The following CXCR5 variants were observed in gnomAD, a reference collection of about 807,000 sequenced individuals.
The protein encoded by CXCR5 is C-X-C motif chemokine receptor 5.
Under a neutral mutation model 5.6 loss-of-function variants are expected in CXCR5, and 3 were observed. The observed-to-expected ratio is 0.54, with a 90% confidence interval of 0.24 to 1.39. The LOEUF is 1.39. Among genes scored for constraint, CXCR5 ranks in the 40% most tolerant of loss-of-function variants. The pLI is 0.16. For synonymous variants in CXCR5, 218 were observed against 219.9 expected (o/e 0.99, Z 0.08); for missense variants, 333 against 494.6 (o/e 0.67, Z 3.10).
In CXCR5 at chr11:118,893,188, TGCCCGACTGTTCTGCTCAGAACTGGAA is replaced by T. The variant is rs1939839601; in HGVS notation, c.52-407_52-381del. Among the ~76,000 whole-genome samples, 1 of 151,966 alleles carries T rather than the reference TGCCCGACTGTTCTGCTCAGAACTGGAA, an allele frequency of 6.6e-6. No homozygotes were observed. Among genetic ancestry groups the T allele is most frequent in the African/African-American group, 2.4e-5 (1 of 41,380 alleles). ...TCCCCAGCACAATGCTAAGTTGCAG[TGCCCGACTGTTCTGCTCAGAACTGGAA>T]CAGATGGGTCCTTGTACCAAGCAGG... On this transcript the variant is annotated intron_variant, in intron 1 of 1. Transcript: ENST00000292174. This position sits in a 1 kb window ranked among gnomAD's most constrained non-coding sequence, Gnocchi z 5.7.
intron 1 of CXCR5, among the ~76,000 whole-genome samples, chr11:118,892,077 T>A (rs1939819319): frequency 6.6e-6 from 1 of 151,998 alleles, no homozygotes; most frequent in African/African-American, 2.4e-5. Context: ...ATGGGACCCA[T>A]GGAGAGATGG....
chr11:118,897,516 T>C lies in CXCR5; in HGVS notation c.*2853T>C, dbSNP rs1239441025. On this transcript the variant is annotated 3_prime_UTR_variant, in exon 2 of 2. Coordinates refer to ENST00000292174, the MANE Select transcript of CXCR5 (RefSeq NM_001716.5). ...CTGAATCACTCAGCAGCAGACAGGC[T>C]GCCGCCCTGGGGGTCTCAGCCCTGC... The C allele has an allele frequency of 6.0e-6, 2 of 335,698 alleles. No homozygotes were observed. Among genetic ancestry groups the C allele is most frequent in the Non-Finnish European group, 1.2e-5 (2 of 172,062 alleles). The allele number at this position is 335,698 out of a possible 1,614,324, so 20.8% of individuals were successfully genotyped here.
intron 1 of CXCR5, among the ~76,000 whole-genome samples, chr11:118,888,015 C>T (rs1939744388): frequency 6.6e-6 from 1 of 152,132 alleles, no homozygotes; most frequent in Non-Finnish European, 1.5e-5. Context: ...TCACTGGCGG[C>T]AGAATGGACT....
intron 1 of CXCR5, chr11:118,886,579 G>A (rs1214595900): frequency 2.8e-6 from 1 of 358,658 alleles, no homozygotes; most frequent in Non-Finnish European, 5.4e-6. Flanking sequence ...CCAGGTCCTG[G>A]GGTGGGTATG....
chr11:118,896,974 TG>T lies in CXCR5; in HGVS notation c.*2314del. ...ACCAAAGGCGGATAGGGAGCTCTCCTGGGTAGGAGCAGGGAGCCAAGGGGGA... is the reference window on the plus strand; with the variant it reads ...ACCAAAGGCGGATAGGGAGCTCTCCTGGTAGGAGCAGGGAGCCAAGGGGGA... On this transcript the variant is annotated 3_prime_UTR_variant, in exon 2 of 2. Transcript: ENST00000292174. 6.5e-6 allele frequency: 1 copy of T among 153,024 alleles called. No homozygotes were observed. The highest frequency in any genetic ancestry group is 1.5e-5 in the Non-Finnish European group (1 of 68,278). 9.5% of individuals were successfully genotyped at this position (153,024 alleles called of 1,614,324 possible).
Position 118,894,950 on chromosome 11 carries a change from C to T in CXCR5, c.*287C>T, listed in dbSNP as rs1191961583. The stretch of plus-strand genomic sequence containing the variant: ...ACCCCCCTGGGCTGAGAGAACCTCA[C>T]GCACCTCCCATCCTAATCATCCAAT... On this transcript the variant is annotated 3_prime_UTR_variant, in exon 2 of 2. Transcript: ENST00000292174. This position sits in a 1 kb window ranked among gnomAD's most constrained non-coding sequence, Gnocchi z 6.1. The T allele has an allele frequency of 1.1e-5, 4 of 370,068 alleles. No homozygotes were observed. The highest frequency in any genetic ancestry group is 1.3e-4 in the South Asian group (1 of 7,738). The allele number at this position is 370,068 out of a possible 1,614,324, so 22.9% of individuals were successfully genotyped here. A position where few individuals can be genotyped will look rare whatever the true frequency, so the allele number is the denominator to read the frequency against.
chr11:118,893,844 G>C lies in CXCR5; in HGVS notation c.300G>C (p.Leu100=), dbSNP rs915286322. ...LFHLAVADLL[L]VFILPFAVAE... ...ACCTGGCCGTGGCCGACCTCCTGCTGGTCTTCATCTTGCCCTTTGCCGTGG... is the reference window on the plus strand; with the variant it reads ...ACCTGGCCGTGGCCGACCTCCTGCTCGTCTTCATCTTGCCCTTTGCCGTGG... Residue 100 remains leucine, a synonymous_variant, in exon 2 of 2, where the codon CTG becomes CTC. Transcript: ENST00000292174. This position sits in a 1 kb window ranked among gnomAD's most constrained non-coding sequence, Gnocchi z 5.7. 1.2e-6 allele frequency: 2 copies of C among 1,613,962 alleles called. No individual in the cohort carries two copies. Among genetic ancestry groups the C allele is most frequent in the African/African-American group, 2.7e-5 (2 of 74,902 alleles).
Position 118,893,577 on chromosome 11 carries a change from C to G in CXCR5, c.52-19C>G. The G allele has an allele frequency of 1.3e-6, 2 of 1,551,996 alleles. No homozygotes were observed. Among genetic ancestry groups the G allele is most frequent in the Non-Finnish European group, 8.7e-7 (1 of 1,145,602 alleles). ...ACAGGTCCTTAGGTCCTCACCCTCC[C>G]GTCTCCTTGCCCTTGCAGTTCTGGG... On this transcript the variant is annotated intron_variant, in intron 1 of 1. Transcript: ENST00000292174. This position sits in a 1 kb window ranked among gnomAD's most constrained non-coding sequence, Gnocchi z 5.7.
rs938109205 is a variant in CXCR5 at position 118,895,788 on chromosome 11, C to T, written c.*1125C>T. 3 of 167,362 alleles carry T rather than the reference C, an allele frequency of 1.8e-5. No homozygotes were observed. The highest frequency in any genetic ancestry group is 7.2e-5 in the African/African-American group (3 of 41,462). The allele number at this position is 167,362 out of a possible 1,614,324, so 10.4% of individuals were successfully genotyped here. On this transcript the variant is annotated 3_prime_UTR_variant, in exon 2 of 2. Coordinates refer to ENST00000292174, the MANE Select transcript of CXCR5 (RefSeq NM_001716.5). This position sits in a 1 kb window ranked among gnomAD's most constrained non-coding sequence, Gnocchi z 4.2. Reference sequence around the variant, plus strand: ...TCCCCAGGCCCCAGGAAGCCGTGCCCTGCCCCCGTGAGGATGTCACTCAGA... The same window carrying T: ...TCCCCAGGCCCCAGGAAGCCGTGCCTTGCCCCCGTGAGGATGTCACTCAGA...
Position 118,893,773 on chromosome 11 carries a change from G to A in CXCR5, c.229G>A (p.Glu77Lys). ...IGNVLVLVIL[E>K]RHRQTRSSTE... ...CAACGTCCTGGTGCTGGTGATCCTG[G>A]AGCGGCACCGGCAGACACGCAGTTC... Residue 77 changes from glutamate (E) to lysine (K), a missense_variant, in exon 2 of 2, where the codon GAG (glutamate) becomes AAG (lysine). Transcript: ENST00000292174. This position sits in a 1 kb window ranked among gnomAD's most constrained non-coding sequence, Gnocchi z 5.7. 1 of 1,614,140 alleles carries A rather than the reference G, an allele frequency of 6.2e-7. No homozygotes were observed.
In CXCR5 at chr11:118,896,113, G is replaced by C. The variant is rs1482493275; in HGVS notation, c.*1450G>C. 6.0e-6 allele frequency: 1 copy of C among 167,052 alleles called. No homozygotes were observed. Among genetic ancestry groups the C allele is most frequent in the Non-Finnish European group, 1.5e-5 (1 of 68,128 alleles). The allele number at this position is 167,052 out of a possible 1,614,324, so 10.3% of individuals were successfully genotyped here. On this transcript the variant is annotated 3_prime_UTR_variant, in exon 2 of 2. Coordinates refer to ENST00000292174, the MANE Select transcript of CXCR5 (RefSeq NM_001716.5). ...TGGGTAATCGATGGGGGAGTCTGAAGCAGATGCAAAGAGGCAAGAGGCTGG... is the reference window on the plus strand; with the variant it reads ...TGGGTAATCGATGGGGGAGTCTGAACCAGATGCAAAGAGGCAAGAGGCTGG...
chr11:118,887,260 A>G, intron 1 of CXCR5: 1 of 985,428 alleles, frequency 1.0e-6, no homozygotes, highest in Non-Finnish European at 1.2e-6. Context: ...TGGACCTAAG[A>G]ATCAGGACAC....
rs202193384 is a variant in CXCR5, at chr11:118,893,776, C to A, written c.232C>A (p.Arg78=). 1 of 1,613,984 alleles carries A rather than the reference C, an allele frequency of 6.2e-7. No homozygotes were observed. Among genetic ancestry groups the A allele is most frequent in the Non-Finnish European group, 8.5e-7 (1 of 1,179,988 alleles). Residue 78 remains arginine, a synonymous_variant, in exon 2 of 2, where the codon CGG becomes AGG. Transcript: ENST00000292174. The surrounding 1 kb of genome is among the most constrained non-coding windows in gnomAD (Gnocchi z 5.7). ...GNVLVLVILE[R]HRQTRSSTET... ...CGTCCTGGTGCTGGTGATCCTGGAG[C>A]GGCACCGGCAGACACGCAGTTCCAC...
intron 1 of CXCR5, among the ~76,000 whole-genome samples, chr11:118,890,522 G>T (rs1468137202): frequency 6.6e-6 from 1 of 151,968 alleles, no homozygotes; most frequent in Non-Finnish European, 1.5e-5. Context: ...GGCAAATTTG[G>T]AAAGAAAGAC....
chr11:118,884,105 C>T, intron 1 of CXCR5, 113 bp downstream of exon 1: 1 of 1,071,012 alleles, frequency 9.3e-7, no homozygotes, highest in Non-Finnish European at 1.4e-6. Context: ...CACTGTGGAT[C>T]TGTAAAATCT....
intron 1 of CXCR5, chr11:118,886,916 A>C (rs1939722593): frequency 6.5e-6 from 1 of 153,832 alleles, no homozygotes; most frequent in African/African-American, 2.4e-5. Flanking sequence ...ATCTCATTTC[A>C]TCATGTAGGT....
rs367828442 is a variant in CXCR5, at chr11:118,893,628, C to T, written c.84C>T (p.Asn28=). The T allele has an allele frequency of 1.1e-5, 17 of 1,607,012 alleles. No individual in the cohort carries two copies. The highest frequency in any genetic ancestry group is 4.5e-5 in the East Asian group (2 of 44,746). ...AACTGGACAGATTGGACAACTATAA[C>T]GACACCTCCCTGGTGGAAAATCATC... ...FWELDRLDNY[N]DTSLVENHLC... Residue 28 remains asparagine (N), a synonymous_variant, in exon 2 of 2, where the codon AAC becomes AAT. Transcript: ENST00000292174. The surrounding 1 kb of genome is among the most constrained non-coding windows in gnomAD (Gnocchi z 5.7).
rs563541231 is a variant in CXCR5, at chr11:118,891,447, C to A, written c.52-2149C>A. 3.3e-5 allele frequency among the ~76,000 whole-genome samples: 5 copies of A among 152,272 alleles called. No homozygotes were observed. The South Asian group carries it at 6.2e-4, about 19-fold the overall frequency. Reference sequence around the variant, plus strand: ...CCCAAATTCCCTGGCTCAAGTGATCCTCCCGCCTTGTCTTCCCAAAGTGCT... The same window carrying A: ...CCCAAATTCCCTGGCTCAAGTGATCATCCCGCCTTGTCTTCCCAAAGTGCT... On this transcript the variant is annotated intron_variant, in intron 1 of 1. Coordinates refer to ENST00000292174, the MANE Select transcript of CXCR5 (RefSeq NM_001716.5).
At position 118,895,654 on chromosome 11, in the gene CXCR5, G is replaced by A. The variant is rs569941059; in HGVS notation, c.*991G>A. On this transcript the variant is annotated 3_prime_UTR_variant, in exon 2 of 2. Coordinates refer to ENST00000292174, the MANE Select transcript of CXCR5 (RefSeq NM_001716.5). This position sits in a 1 kb window ranked among gnomAD's most constrained non-coding sequence, Gnocchi z 4.2. ...TATAGACCCGAGGAAACTCAGAGTC[G>A]GAACGGAGAAAGGTGGACTGGAAGG... 10 of 167,310 alleles carry A rather than the reference G, an allele frequency of 6.0e-5. No individual in the cohort carries two copies. The highest frequency in any genetic ancestry group is 2.0e-4 in the Admixed American group (3 of 15,300). The allele number at this position is 167,310 out of a possible 1,614,324, so 10.4% of individuals were successfully genotyped here. A position where few individuals can be genotyped will look rare whatever the true frequency, so the allele number is the denominator to read the frequency against.
Sources: allele counts gnomAD v4.1 joint callset (sites outside exome capture counted in the v4.1 genomes callset), GRCh38; gene constraint gnomAD v4.1.1; non-coding constraint Gnocchi (gnomAD v3.1); transcripts MANE v1.5; gene names NCBI Gene and HGNC (gene_info 2026-07-23, HGNC 2026-07-21).